Variants in SIK2 observed in about 807,000 individuals in gnomAD.
The protein encoded by SIK2 is salt inducible kinase 2.
A neutral mutation model predicts 103.2 loss-of-function variants in SIK2; 29 were observed. The observed-to-expected ratio is 0.28, with a 90% confidence interval of 0.21 to 0.38. SIK2 has a LOEUF of 0.38. Ranked by LOEUF, SIK2 falls within the 10% of genes least tolerant of loss-of-function variation. The pLI is 1.00. For synonymous variants in SIK2, 412 were observed against 446.1 expected, an observed-to-expected ratio of 0.92 and a Z score of 0.96; for missense variants, 879 against 1,171.0, an observed-to-expected ratio of 0.75 and a Z score of 3.64.
chr11:111,722,834 C>G lies in SIK2; in HGVS notation c.2147+78C>G. The G allele has an allele frequency of 1.5e-6, 2 of 1,360,126 alleles. No individual in the cohort carries two copies. Among genetic ancestry groups the G allele is most frequent in the South Asian group, 2.5e-5 (2 of 80,666 alleles). 84.3% of individuals were successfully genotyped at this position (1,360,126 alleles called of 1,614,324 possible). A position where few individuals can be genotyped will look rare whatever the true frequency, so the allele number is the denominator to read the frequency against. On this transcript the variant is annotated intron_variant, in intron 14 of 14. Transcript: ENST00000304987. The surrounding 1 kb of genome is among the most constrained non-coding windows in gnomAD (Gnocchi z 4.4). ...GAACACTGAATGTGTTGTCCTTTTC[C>G]TCTCACATTCGCCACTACTAGGAAA...
At position 111,725,558 on chromosome 11, in the gene SIK2, T is replaced by C. The variant is rs1943938725; in HGVS notation, c.*1429T>C. On this transcript the variant is annotated 3_prime_UTR_variant, in exon 15 of 15. Coordinates refer to ENST00000304987, the MANE Select transcript of SIK2 (RefSeq NM_015191.3). ...GGTGTTACAAAGTCAGTGTTAATTC[T>C]AAAGATGATCATTTCTGCCCTTTAG... 6.5e-6 allele frequency: 1 copy of C among 152,702 alleles called. No individual in the cohort carries two copies. The highest frequency in any genetic ancestry group is 1.5e-5 in the Non-Finnish European group (1 of 68,050). 9.5% of individuals were successfully genotyped at this position (152,702 alleles called of 1,614,324 possible).
At chr11:111,618,176 A>G (rs1841217381) in intron 2 of SIK2, among the ~76,000 whole-genome samples, 1 of 152,112 alleles carries the variant, frequency 6.6e-6, no homozygotes, top group African/African-American at 2.4e-5. Flanking sequence ...TGTACAGTTC[A>G]CAATAGGGTT....
intron 3 of SIK2, among the ~76,000 whole-genome samples, chr11:111,658,509 G>A (rs926337556): frequency 3.3e-5 from 5 of 152,132 alleles, no homozygotes; most frequent in South Asian, 2.1e-4. Context: ...TTGGGAGGCC[G>A]AGGCAGGCAA....
chr11:111,727,130 T>A lies in SIK2; in HGVS notation c.*3001T>A. ...TTCACATTCCCGGTGACACTGACCGTCCCCAGCTGCCCCCTCGCCACCTCT... is the reference window on the plus strand; with the variant it reads ...TTCACATTCCCGGTGACACTGACCGACCCCAGCTGCCCCCTCGCCACCTCT... On this transcript the variant is annotated 3_prime_UTR_variant, in exon 15 of 15. Coordinates refer to ENST00000304987, the MANE Select transcript of SIK2 (RefSeq NM_015191.3). 1 of 1,346,188 alleles carries A rather than the reference T, an allele frequency of 7.4e-7. No homozygotes were observed. Among genetic ancestry groups the A allele is most frequent in the Non-Finnish European group, 1.1e-6 (1 of 943,496 alleles). The allele number at this position is 1,346,188 out of a possible 1,614,324, so 83.4% of individuals were successfully genotyped here. A position where few individuals can be genotyped will look rare whatever the true frequency, so the allele number is the denominator to read the frequency against.
At chr11:111,639,188 C>T (rs1942149350) in intron 3 of SIK2, among the ~76,000 whole-genome samples, 1 of 152,242 alleles carries the variant, frequency 6.6e-6, no homozygotes, top group South Asian at 2.1e-4. Context: ...AACACCTTGT[C>T]ATTCTTTGCC....
intron 9 of SIK2, among the ~76,000 whole-genome samples, chr11:111,716,317 T>A (rs1943640640): frequency 6.6e-6 from 1 of 152,136 alleles, no homozygotes; most frequent in Non-Finnish European, 1.5e-5. Flanking sequence ...GTGCGGTGGC[T>A]TACACCTGTA....
At chr11:111,631,856 C>T (rs1050987718) in intron 3 of SIK2, among the ~76,000 whole-genome samples, 2 of 152,050 alleles carry the variant, frequency 1.3e-5, no homozygotes, top group Admixed American at 1.3e-4. Flanking sequence ...ACTAGGCTTA[C>T]GCCAAAAGAG....
rs1221843609 is a variant in SIK2 at position 111,608,584 on chromosome 11, T to C, written c.135+5886T>C. 5.3e-5 allele frequency among the ~76,000 whole-genome samples: 8 copies of C among 152,358 alleles called. No individual in the cohort carries two copies. The East Asian group carries it at 1.3e-3, about 26-fold the overall frequency. ...TCATGTATGCATATAATCTGTGTTT[T>C]TTACTTAACATGTTGTTAACATTTC... On this transcript the variant is annotated intron_variant, in intron 1 of 14. Transcript: ENST00000304987.
intron 3 of SIK2, among the ~76,000 whole-genome samples, chr11:111,669,701 T>C (rs1002914479): frequency 6.6e-6 from 1 of 152,224 alleles, no homozygotes; most frequent in Non-Finnish European, 1.5e-5. Context: ...ACTCCTTAGC[T>C]GTCTTCTGGC....
chr11:111,647,475 A>T (rs1942271829), intron 3 of SIK2, among the ~76,000 whole-genome samples: 1 of 151,834 alleles, frequency 6.6e-6, no homozygotes, highest in African/African-American at 2.4e-5. Context: ...TACAAAAAAT[A>T]CGCCAGGCAT....
At chr11:111,603,293 T>C (rs779116151) in intron 1 of SIK2, among the ~76,000 whole-genome samples, 3 of 152,138 alleles carry the variant, frequency 2.0e-5, no homozygotes, top group Non-Finnish European at 4.4e-5. Context: ...AGGGTGTCTC[T>C]GATTTGGTGT....
intron 3 of SIK2, among the ~76,000 whole-genome samples, chr11:111,623,687 T>C (rs1251554053): frequency 6.6e-6 from 1 of 152,208 alleles, no homozygotes; most frequent in Non-Finnish European, 1.5e-5. Flanking sequence ...CCTGGCTTTG[T>C]GTAAGCACCA....
At chr11:111,695,044 T>C (rs1157838597) in intron 4 of SIK2, among the ~76,000 whole-genome samples, 1 of 152,204 alleles carries the variant, frequency 6.6e-6, no homozygotes, top group African/African-American at 2.4e-5. Flanking sequence ...AAAGTATGCA[T>C]TGACGTCAGT....
chr11:111,612,915 G>GATTATATATATAT (rs1555024098), intron 1 of SIK2, among the ~76,000 whole-genome samples: 2 of 50,026 alleles, frequency 4.0e-5, no homozygotes, highest in African/African-American at 1.3e-4. Context: ...ATAGCAATGG[G>GATTATATATATAT]ATATATATAT....
intron 8 of SIK2, among the ~76,000 whole-genome samples, chr11:111,709,361 G>A (rs1440298914): frequency 6.6e-6 from 1 of 152,206 alleles, no homozygotes; most frequent in Non-Finnish European, 1.5e-5. Flanking sequence ...CACATTAGTG[G>A]TGAGGGGCTC....
Position 111,602,573 on chromosome 11 carries a change from G to A in SIK2, c.10G>A (p.Ala4Thr). ...AGCAGCGGGGCCCAGCATGGTCATG[G>A]CGGATGGCCCGAGGCACTTGCAGCG... MVM[A>T]DGPRHLQRGP... Residue 4 changes from alanine (A) to threonine (T), a missense_variant, in exon 1 of 15, where the codon GCG (alanine) becomes ACG (threonine). Coordinates refer to ENST00000304987, the MANE Select transcript of SIK2 (RefSeq NM_015191.3). This position sits in a 1 kb window ranked among gnomAD's most constrained non-coding sequence, Gnocchi z 4.5. The A allele has an allele frequency of 1.3e-6, 2 of 1,526,534 alleles. No individual in the cohort carries two copies. The highest frequency in any genetic ancestry group is 1.8e-6 in the Non-Finnish European group (2 of 1,137,224). The allele number at this position is 1,526,534 out of a possible 1,614,324, so 94.6% of individuals were successfully genotyped here. A position where few individuals can be genotyped will look rare whatever the true frequency, so the allele number is the denominator to read the frequency against.
At chr11:111,654,875 T>C (rs1942371040) in intron 3 of SIK2, among the ~76,000 whole-genome samples, 1 of 152,226 alleles carries the variant, frequency 6.6e-6, no homozygotes, top group Non-Finnish European at 1.5e-5. Flanking sequence ...ATGTTTTAAA[T>C]GAGGTGAAAT....
At position 111,721,812 on chromosome 11, in the gene SIK2, C is replaced by T; in HGVS notation, c.1945-18C>T. 1 of 1,580,436 alleles carries T rather than the reference C, an allele frequency of 6.3e-7. No individual in the cohort carries two copies. Among genetic ancestry groups the T allele is most frequent in the Non-Finnish European group, 8.6e-7 (1 of 1,164,190 alleles). On this transcript the variant is annotated intron_variant, in intron 12 of 14. Transcript: ENST00000304987. ...CCCATGGGGAATTGAAAATTGTTTC[C>T]ACCCCCTTGCTCCTCAGGAAGAAGT...
chr11:111,641,254 G>A (rs1942179305), intron 3 of SIK2, among the ~76,000 whole-genome samples: 1 of 152,140 alleles, frequency 6.6e-6, no homozygotes, highest in South Asian at 2.1e-4. Flanking sequence ...AGGCCTCTAG[G>A]CAGATGAACC....
Sources: gnomAD v4.1 joint callset for allele counts (sites outside exome capture counted in the v4.1 genomes callset) on GRCh38, gnomAD v4.1.1 for gene constraint, Gnocchi (gnomAD v3.1) non-coding constraint, MANE v1.5 for transcripts, NCBI Gene and HGNC (gene_info 2026-07-23, HGNC 2026-07-21) for gene names.